The following TAFA5 variants were observed in gnomAD, a reference collection of about 807,000 sequenced individuals.
TAFA5 encodes the protein chemokine-like protein TAFA-5.
In TAFA5, 6 loss-of-function variants were observed where a neutral mutation model predicts 15.3. That is an observed-to-expected ratio of 0.39 (90% CI 0.21 to 0.77). The LOEUF is 0.77. Ranked by LOEUF, TAFA5 falls within the 30% of genes least tolerant of loss-of-function variation. TAFA5 has a pLI of 0.41. For synonymous variants in TAFA5, 103 were observed against 80.7 expected (o/e 1.28, Z -1.48); for missense variants, 161 against 193.1 (o/e 0.83, Z 0.98).
At chr22:48,664,490 G>A (rs569080904) in intron 2 of TAFA5, among the ~76,000 whole-genome samples, 13 of 152,264 alleles carry the variant, frequency 8.5e-5, no homozygotes, top group African/African-American at 2.4e-4. Context: ...GGGCTTAGAA[G>A]CCCAAAATAG....
At chr22:48,516,085 G>C (rs987770583) in intron 1 of TAFA5, among the ~76,000 whole-genome samples, 1 of 152,126 alleles carries the variant, frequency 6.6e-6, no homozygotes, top group Admixed American at 6.5e-5. Flanking sequence ...AAACAGACTT[G>C]GTGAAATAAG....
intron 3 of TAFA5, among the ~76,000 whole-genome samples, chr22:48,734,645 T>G (rs1929957998): frequency 6.6e-6 from 1 of 152,240 alleles, no homozygotes; most frequent in African/African-American, 2.4e-5. Context: ...TTTGGCAAAG[T>G]CCCAGCACAT....
intron 1 of TAFA5, among the ~76,000 whole-genome samples, chr22:48,559,171 C>A (rs765895383): frequency 1.3e-5 from 2 of 152,138 alleles, no homozygotes; most frequent in Non-Finnish European, 2.9e-5. Flanking sequence ...TGAGGCCGCC[C>A]GGGGCCATGG....
At chr22:48,669,218 A>G (rs1202634219) in intron 2 of TAFA5, among the ~76,000 whole-genome samples, 1 of 152,228 alleles carries the variant, frequency 6.6e-6, no homozygotes, top group East Asian at 1.9e-4. Flanking sequence ...TAAGCCCCCC[A>G]GCGTGTGGTC....
intron 1 of TAFA5, among the ~76,000 whole-genome samples, chr22:48,501,604 G>C (rs113230397): frequency 6.6e-6 from 1 of 152,198 alleles, no homozygotes; most frequent in Non-Finnish European, 1.5e-5. Context: ...GGAAGGGCTC[G>C]GAAGGCTGAG....
chr22:48,729,591 G>T (rs1929811821), intron 3 of TAFA5, among the ~76,000 whole-genome samples: 1 of 147,770 alleles, frequency 6.8e-6, no homozygotes, highest in Non-Finnish European at 1.5e-5. Flanking sequence ...AGTGTATGTG[G>T]TATGTGTAGC....
chr22:48,609,343 G>A (rs1351619186), intron 1 of TAFA5, among the ~76,000 whole-genome samples: 5 of 152,244 alleles, frequency 3.3e-5, no homozygotes, highest in Non-Finnish European at 7.3e-5. Context: ...CGCTCGGCCA[G>A]GCAGCTGCCT....
chr22:48,683,076 G>A (rs531347374), intron 2 of TAFA5, among the ~76,000 whole-genome samples: 8 of 152,148 alleles, frequency 5.3e-5, no homozygotes, highest in East Asian at 1.9e-4. Context: ...CTTACCTTCC[G>A]TTGACTTATT....
At chr22:48,713,161 T>G (rs954757919) in intron 3 of TAFA5, among the ~76,000 whole-genome samples, 6 of 152,216 alleles carry the variant, frequency 3.9e-5, no homozygotes, top group African/African-American at 1.4e-4. Flanking sequence ...ATCACAGTTG[T>G]GGGGGTGAAG....
rs567965666 is a variant in TAFA5 at position 48,569,948 on chromosome 22, G to A, written c.113-76649G>A. On this transcript the variant is annotated intron_variant, in intron 1 of 3. Transcript: ENST00000402357. ...CTGGATTTACCCCAATGTCCTGGCC[G>A]CCAGTGCCCCCGCACACATAGCCGC... 6.6e-5 allele frequency among the ~76,000 whole-genome samples: 10 copies of A among 152,350 alleles called. No homozygotes were observed. The South Asian group carries it at 1.2e-3, about 19-fold the overall frequency.
intron 1 of TAFA5, among the ~76,000 whole-genome samples, chr22:48,632,092 C>T (rs1926250555): frequency 6.6e-6 from 1 of 152,240 alleles, no homozygotes; most frequent in Non-Finnish European, 1.5e-5. Context: ...CGGACGTGGT[C>T]TTCCTAAAGG....
intron 1 of TAFA5, among the ~76,000 whole-genome samples, chr22:48,606,458 G>T (rs1476381478): frequency 6.6e-6 from 1 of 152,214 alleles, no homozygotes; most frequent in East Asian, 1.9e-4. Context: ...TATTTGTCTG[G>T]ATATAGATGT....
chr22:48,660,703 G>A (rs1601651325), intron 2 of TAFA5, among the ~76,000 whole-genome samples: 1 of 152,200 alleles, frequency 6.6e-6, no homozygotes, highest in Non-Finnish European at 1.5e-5. Flanking sequence ...ACTGGGCTCC[G>A]CCCTGGCTCT....
At chr22:48,625,436 T>C (rs1417769916) in intron 1 of TAFA5, among the ~76,000 whole-genome samples, 1 of 152,236 alleles carries the variant, frequency 6.6e-6, no homozygotes, top group Non-Finnish European at 1.5e-5. Context: ...CCACTGGCCA[T>C]GCAGCTCACT....
At chr22:48,575,450 C>T (rs1182104323) in intron 1 of TAFA5, among the ~76,000 whole-genome samples, 1 of 146,310 alleles carries the variant, frequency 6.8e-6, no homozygotes, top group African/African-American at 2.4e-5. Context: ...GGGCCGGCAG[C>T]GACTGCGCCG....
chr22:48,628,218 T>C (rs1248238157), intron 1 of TAFA5, among the ~76,000 whole-genome samples: 1 of 152,168 alleles, frequency 6.6e-6, no homozygotes, highest in Non-Finnish European at 1.5e-5. Context: ...CATGTTCCAC[T>C]TCTCCACAGG....
chr22:48,524,299 G>A (rs1356960074), intron 1 of TAFA5, among the ~76,000 whole-genome samples: 1 of 152,168 alleles, frequency 6.6e-6, no homozygotes, highest in Non-Finnish European at 1.5e-5. Flanking sequence ...CGCCTTTGGC[G>A]TTTGGAGTGG....
At chr22:48,627,618 T>C (rs1030097453) in intron 1 of TAFA5, among the ~76,000 whole-genome samples, 1 of 152,248 alleles carries the variant, frequency 6.6e-6, no homozygotes, top group African/African-American at 2.4e-5. Flanking sequence ...GGATGGAAAC[T>C]GCAGCCTCTG....
chr22:48,536,024 G>T (rs933154634), intron 1 of TAFA5, among the ~76,000 whole-genome samples: 6 of 152,226 alleles, frequency 3.9e-5, no homozygotes, highest in Admixed American at 3.9e-4. Context: ...CCCCCCCCAG[G>T]AGTGCCCGTG....
Sources: gnomAD v4.1 joint callset for allele counts (sites outside exome capture counted in the v4.1 genomes callset) on GRCh38, gnomAD v4.1.1 for gene constraint, MANE v1.5 for transcripts, NCBI Gene and HGNC (gene_info 2026-07-23, HGNC 2026-07-21) for gene names.